ACTN1: variants seen among roughly 807,000 people sequenced by gnomAD.
ACTN1 encodes the protein alpha-actinin-1.
In ACTN1, 30 loss-of-function variants were observed where a neutral mutation model predicts 119.6. That is an observed-to-expected ratio of 0.25 (90% CI 0.19 to 0.34). The LOEUF is 0.34. Ranked by LOEUF, ACTN1 falls within the 10% of genes least tolerant of loss-of-function variation. ACTN1 has a pLI of 1.00. For missense variants in ACTN1, 764 were observed against 1,223.4 expected (o/e 0.62, Z 5.60); for synonymous variants, 429 against 472.6 (o/e 0.91, Z 1.20).
At position 68,944,820 on chromosome 14, in the gene ACTN1, G is replaced by A. The variant is rs555352626; in HGVS notation, c.106-19148C>T. ...AGGGGGTCTACTAATAATTACACCA[G>A]CATAACAGGTATAGGCAGAGCTGTA... On this transcript the variant is annotated intron_variant, in intron 1 of 21. Transcript: ENST00000394419. 2.6e-5 allele frequency among the ~76,000 whole-genome samples: 4 copies of A among 152,230 alleles called. No homozygotes were observed. In the East Asian group the frequency reaches 5.8e-4, roughly 22 times the overall value.
chr14:68,978,001 C>T (rs1271344284), intron 1 of ACTN1: 1 of 456,138 alleles, frequency 2.2e-6, no homozygotes, highest in Admixed American at 2.3e-5. Flanking sequence ...CCCACCACCA[C>T]GAGTGGTTTC....
chr14:68,875,172 C>T (rs1438032049), intron 21 of ACTN1, 155 bp from the exon 22 acceptor site: 5 of 1,522,186 alleles, frequency 3.3e-6, no homozygotes, highest in Non-Finnish European at 4.4e-6. Flanking sequence ...ACGTAAATAT[C>T]CACACATGTA....
At chr14:68,897,628 C>T (rs2032976089) in intron 8 of ACTN1, among the ~76,000 whole-genome samples, 1 of 152,234 alleles carries the variant, frequency 6.6e-6, no homozygotes, top group South Asian at 2.1e-4. Context: ...AGGATCTCAT[C>T]TATGTCATCT....
At chr14:68,891,013 T>C (rs943080096) in intron 10 of ACTN1, among the ~76,000 whole-genome samples, 3 of 152,214 alleles carry the variant, frequency 2.0e-5, no homozygotes, top group Non-Finnish European at 2.9e-5. Context: ...TAGCAGTGGC[T>C]CTGGCCACCT....
At chr14:68,939,950 T>C (rs1453070525) in intron 1 of ACTN1, among the ~76,000 whole-genome samples, 5 of 152,204 alleles carry the variant, frequency 3.3e-5, no homozygotes, top group Admixed American at 2.6e-4. Context: ...GGGGGACTGA[T>C]GTAATTGAGC....
In ACTN1 at chr14:68,884,887, G is replaced by T. The variant is rs751206971; in HGVS notation, c.1386-4C>A. Reference sequence around the variant, plus strand: ...TGAGTCATAATAGTCCAGCTCACTGGGGAGGGAAGAGACAAGGAAGTCAGG... The same window carrying T: ...TGAGTCATAATAGTCCAGCTCACTGTGGAGGGAAGAGACAAGGAAGTCAGG... On this transcript the variant is annotated splice_polypyrimidine_tract_variant and splice_region_variant and intron_variant, in intron 12 of 21. Coordinates refer to ENST00000394419, the MANE Select transcript of ACTN1 (RefSeq NM_001130004.2). 4 of 1,609,974 alleles carry T rather than the reference G, an allele frequency of 2.5e-6. No individual in the cohort carries two copies. Among genetic ancestry groups the T allele is most frequent in the Non-Finnish European group, 3.4e-6 (4 of 1,176,202 alleles).
At position 68,879,908 on chromosome 14, in the gene ACTN1, C is replaced by A; in HGVS notation, c.2280+54G>T. On this transcript the variant is annotated intron_variant, in intron 18 of 21. Coordinates refer to ENST00000394419, the MANE Select transcript of ACTN1 (RefSeq NM_001130004.2). This position sits in a 1 kb window ranked among gnomAD's most constrained non-coding sequence, Gnocchi z 4.9. Reference sequence around the variant, plus strand: ...CGTCCCGGGGAAGTGCCCTCCAGGGCCCTGGGGCAGGGGTTGGGGGCTGCA... The same window carrying A: ...CGTCCCGGGGAAGTGCCCTCCAGGGACCTGGGGCAGGGGTTGGGGGCTGCA... 6.3e-7 allele frequency: 1 copy of A among 1,596,020 alleles called. No homozygotes were observed. The highest frequency in any genetic ancestry group is 8.6e-7 in the Non-Finnish European group (1 of 1,167,742).
intron 9 of ACTN1, 104 bp from the exon 10 acceptor site, chr14:68,892,387 G>A: frequency 3.3e-6 from 4 of 1,208,608 alleles, no homozygotes; most frequent in Non-Finnish European, 4.7e-6. Flanking sequence ...TGGGGAAGGG[G>A]TCTCTCCTAA....
At chr14:68,957,796 T>C (rs1013190538) in intron 1 of ACTN1, among the ~76,000 whole-genome samples, 1 of 152,130 alleles carries the variant, frequency 6.6e-6, no homozygotes, top group Non-Finnish European at 1.5e-5. Context: ...TTCCTCCTAA[T>C]GACAGGGGAG....
intron 1 of ACTN1, among the ~76,000 whole-genome samples, chr14:68,949,136 C>G (rs2036042360): frequency 2.0e-5 from 3 of 152,236 alleles, no homozygotes; most frequent in African/African-American, 7.2e-5. Flanking sequence ...CTTTTTCACA[C>G]TAACCCTCTG....
chr14:68,901,454 G>A (rs1279035554), intron 8 of ACTN1, among the ~76,000 whole-genome samples: 1 of 152,012 alleles, frequency 6.6e-6, no homozygotes, highest in East Asian at 1.9e-4. Flanking sequence ...CACCATGTTG[G>A]CCAGGCTGGT....
At chr14:68,966,400 G>C (rs1230986134) in intron 1 of ACTN1, among the ~76,000 whole-genome samples, 2 of 151,944 alleles carry the variant, frequency 1.3e-5, no homozygotes, top group African/African-American at 4.8e-5. Context: ...CCAATTTCTC[G>C]GTTTATAGGT....
chr14:68,965,210 A>C (rs1326312968), intron 1 of ACTN1, among the ~76,000 whole-genome samples: 3 of 152,204 alleles, frequency 2.0e-5, no homozygotes, highest in African/African-American at 7.2e-5. Context: ...TATGGACCTC[A>C]TCCCTTTATC....
intron 8 of ACTN1, among the ~76,000 whole-genome samples, chr14:68,894,689 G>GA (rs2032745649): frequency 6.6e-6 from 1 of 152,134 alleles, no homozygotes; most frequent in Non-Finnish European, 1.5e-5. Flanking sequence ...GGGTAGAAAG[G>GA]AAGACAGCCT....
At chr14:68,929,908 G>A (rs2035141420) in intron 1 of ACTN1, among the ~76,000 whole-genome samples, 1 of 152,252 alleles carries the variant, frequency 6.6e-6, no homozygotes, top group South Asian at 2.1e-4. Context: ...GTTCAGGGTT[G>A]CAAAGAGGGA....
In ACTN1 at chr14:68,923,077, G is replaced by A. The variant is rs115802601; in HGVS notation, c.221-1952C>T. On this transcript the variant is annotated intron_variant, in intron 2 of 21. Coordinates refer to ENST00000394419, the MANE Select transcript of ACTN1 (RefSeq NM_001130004.2). ...AAATGCACAGGTCCCCTGGGCACACGTCAGACCTATGCAGCAGGAACACAC... is the reference window on the plus strand; with the variant it reads ...AAATGCACAGGTCCCCTGGGCACACATCAGACCTATGCAGCAGGAACACAC... Among the ~76,000 whole-genome samples, 1,286 of 152,306 alleles carry A rather than the reference G, an allele frequency of 8.4e-3. 12 individuals carry two copies. The highest frequency in any genetic ancestry group is 0.029 in the African/African-American group (1,204 of 41,546).
intron 1 of ACTN1, among the ~76,000 whole-genome samples, chr14:68,961,951 A>G (rs564268275): frequency 6.6e-6 from 1 of 152,230 alleles, no homozygotes; most frequent in African/African-American, 2.4e-5. Context: ...TCTCCTTCAC[A>G]AGACACCCTG....
chr14:68,912,980 T>TA (rs1339532237), intron 3 of ACTN1, among the ~76,000 whole-genome samples: 3 of 152,188 alleles, frequency 2.0e-5, no homozygotes, highest in Non-Finnish European at 2.9e-5. Context: ...GTCACAAACT[T>TA]AAAGTTTTGT....
intron 1 of ACTN1, chr14:68,978,523 C>A (rs369673001): frequency 6.1e-5 from 19 of 310,086 alleles, no homozygotes; most frequent in African/African-American, 4.3e-4. Context: ...GCGGCGCTGC[C>A]ACCGCACGCC....
Sources: allele counts gnomAD v4.1 joint callset (sites outside exome capture counted in the v4.1 genomes callset), GRCh38; gene constraint gnomAD v4.1.1; non-coding constraint Gnocchi (gnomAD v3.1); transcripts MANE v1.5; gene names NCBI Gene and HGNC (gene_info 2026-07-23, HGNC 2026-07-21).